The following VPS13D variants were observed in gnomAD, a reference collection of about 807,000 sequenced individuals.
VPS13D encodes vacuolar protein sorting 13 homolog D.
In VPS13D, 187 loss-of-function variants were observed where a neutral mutation model predicts 461.9. That is an observed-to-expected ratio of 0.40 (90% CI 0.36 to 0.46). VPS13D has a LOEUF of 0.46. Among genes scored for constraint, VPS13D ranks in the 20% least tolerant of loss-of-function variants. The pLI is 0.60. For synonymous variants in VPS13D, 1,951 were observed against 1,986.3 expected (o/e 0.98, Z 0.47); for missense variants, 4,711 against 5,364.9 (o/e 0.88, Z 3.81).
At chr1:12,358,390 C>T in intron 49 of VPS13D, 69 bp from the exon 50 acceptor site, 3 of 1,580,846 alleles carry the variant, frequency 1.9e-6, no homozygotes, top group Non-Finnish European at 2.6e-6. Flanking sequence ...TTAGTGTTTC[C>T]CAATTAGAAC....
chr1:12,474,858 G>A (rs968714364), intron 67 of VPS13D, among the ~76,000 whole-genome samples: 2 of 152,162 alleles, frequency 1.3e-5, no homozygotes, highest in Non-Finnish European at 2.9e-5. Context: ...ATTCATTTGC[G>A]ACTTGGGCTC....
chr1:12,332,107 A>G (rs1643347973), intron 37 of VPS13D, among the ~76,000 whole-genome samples: 1 of 152,234 alleles, frequency 6.6e-6, no homozygotes, highest in Admixed American at 6.5e-5. Flanking sequence ...TATTAGAACT[A>G]TACATTACTA....
In VPS13D at chr1:12,485,679, G is replaced by A. The variant is rs550760352; in HGVS notation, c.12663-11821G>A. On this transcript the variant is annotated intron_variant, in intron 67 of 69. Transcript: ENST00000620676. ...AAAAGGTTGTTGGGGGGGTGGGCCC[G>A]CAGGGGATCTGGGAGAAAAAATCCA... is the stretch of plus-strand genomic sequence containing the variant. Among the ~76,000 whole-genome samples, 223 of 152,188 alleles carry A rather than the reference G, an allele frequency of 1.5e-3. 2 individuals are homozygous for A. Among genetic ancestry groups the A allele is most frequent in the African/African-American group, 5.2e-3 (217 of 41,546 alleles).
rs199778145 is a variant in VPS13D, at chr1:12,506,839, G to A, written c.12795-14G>A. The A allele has an allele frequency of 7.2e-5, 116 of 1,612,326 alleles. No individual in the cohort carries two copies. In the African/African-American group the frequency reaches 1.2e-3, roughly 16 times the overall value. On this transcript the variant is annotated splice_polypyrimidine_tract_variant and intron_variant, in intron 68 of 69. Coordinates refer to ENST00000620676, the MANE Select transcript of VPS13D (RefSeq NM_015378.4). ...CCCCAGGTGTCACTCCTGTGTTCCC[G>A]TCTCGCTTTGCAGCTTCATCGCTGT...
At chr1:12,233,570 A>G (rs922931037) in intron 1 of VPS13D, among the ~76,000 whole-genome samples, 2 of 152,330 alleles carry the variant, frequency 1.3e-5, no homozygotes, top group Admixed American at 1.3e-4. Context: ...TCTAATCCCA[A>G]GGTAAATCAA....
At chr1:12,287,601 C>T (rs988773807) in intron 21 of VPS13D, among the ~76,000 whole-genome samples, 2 of 152,210 alleles carry the variant, frequency 1.3e-5, no homozygotes, top group Admixed American at 1.3e-4. Context: ...TGGGAACTGA[C>T]TCAACAAATC....
chr1:12,238,799 G>T (rs756077273), intron 2 of VPS13D, among the ~76,000 whole-genome samples: 10 of 151,836 alleles, frequency 6.6e-5, no homozygotes, highest in Non-Finnish European at 1.3e-4. Context: ...CCATACCTGG[G>T]TGATTTTTTA....
intron 26 of VPS13D, among the ~76,000 whole-genome samples, chr1:12,307,352 G>A (rs1222756392): frequency 6.6e-6 from 1 of 152,206 alleles, no homozygotes. Context: ...GCAGCAAAGA[G>A]CTTGGCATTT....
At chr1:12,278,570 C>T (rs1019247087) in intron 19 of VPS13D, among the ~76,000 whole-genome samples, 4 of 152,194 alleles carry the variant, frequency 2.6e-5, no homozygotes, top group African/African-American at 7.2e-5. Flanking sequence ...CAGCCGCGCC[C>T]AGGCAGGAAT....
chr1:12,474,248 A>G (rs1201088383), intron 67 of VPS13D, among the ~76,000 whole-genome samples: 1 of 152,230 alleles, frequency 6.6e-6, no homozygotes, highest in East Asian at 1.9e-4. Flanking sequence ...ACCGTGGCTC[A>G]TCCAGCTCTT....
intron 63 of VPS13D, among the ~76,000 whole-genome samples, chr1:12,405,109 G>A (rs908902889): frequency 2.0e-5 from 3 of 152,234 alleles, no homozygotes; most frequent in African/African-American, 2.4e-5. Flanking sequence ...GCGATGCAGC[G>A]AGTGGAGCTG....
At chr1:12,401,919 A>C (rs1644587261) in intron 62 of VPS13D, among the ~76,000 whole-genome samples, 1 of 152,186 alleles carries the variant, frequency 6.6e-6, no homozygotes, top group African/African-American at 2.4e-5. Context: ...AGCCATTCAG[A>C]GGGTCTTCTG....
chr1:12,240,719 T>TC (rs1640323886), intron 2 of VPS13D, among the ~76,000 whole-genome samples: 1 of 149,200 alleles, frequency 6.7e-6, no homozygotes, highest in South Asian at 2.1e-4. Flanking sequence ...GATTTTTTTT[T>TC]CCCCTTATGT....
At chr1:12,327,991 T>G in intron 36 of VPS13D, 137 bp downstream of exon 36, 1 of 908,920 alleles carries the variant, frequency 1.1e-6, no homozygotes, top group Non-Finnish European at 1.6e-6. Flanking sequence ...TTACATATGT[T>G]TTTCATTATG....
chr1:12,314,886 A>G (rs1173916632), intron 30 of VPS13D, among the ~76,000 whole-genome samples: 1 of 152,236 alleles, frequency 6.6e-6, no homozygotes, highest in Non-Finnish European at 1.5e-5. Flanking sequence ...TTATCTAGCT[A>G]TGTGTCCTTA....
chr1:12,452,041 C>G (rs1345845109), intron 65 of VPS13D, among the ~76,000 whole-genome samples: 1 of 152,158 alleles, frequency 6.6e-6, no homozygotes, highest in Non-Finnish European at 1.5e-5. Flanking sequence ...AGTCAAAATT[C>G]AAACTCAGGT....
chr1:12,322,731 T>G lies in VPS13D; in HGVS notation c.7900T>G (p.Leu2634Val), dbSNP rs1643073229. 3 of 1,614,074 alleles carry G rather than the reference T, an allele frequency of 1.9e-6. No homozygotes were observed. The highest frequency in any genetic ancestry group is 2.5e-6 in the Non-Finnish European group (3 of 1,179,934). The change falls in exon 34 of 70, where the codon TTA becomes GTA. Residue 2634 changes from leucine (L) to valine (V), a missense_variant. This residue lies in a region of VPS13D where 4,411 missense variants were observed against 4,937.8 expected (regional missense o/e 0.89). Transcript: ENST00000620676. ...AATCAGAGAAGGGACAAGACACACC[T>G]TAGATCCTGTCTTGGGTAGGTGTTT... Reference protein sequence around the residue: ...EEIREGTRHTLDPVLELQLAR... With the variant: ...EEIREGTRHTVDPVLELQLAR...
chr1:12,319,775 T>A, intron 32 of VPS13D, 145 bp downstream of exon 32: 1 of 1,206,372 alleles, frequency 8.3e-7, no homozygotes, highest in South Asian at 1.5e-5. Context: ...CTTTGTTTTC[T>A]CCCCAAATCT....
chr1:12,262,946 T>G (rs1334517842), intron 13 of VPS13D, among the ~76,000 whole-genome samples: 1 of 152,088 alleles, frequency 6.6e-6, no homozygotes, highest in African/African-American at 2.4e-5. Flanking sequence ...TCAAGCAATC[T>G]GTCCTCCTCG....
Sources: gnomAD v4.1 joint callset for allele counts (sites outside exome capture counted in the v4.1 genomes callset) on GRCh38, gnomAD v4.1.1 for gene constraint, gnomAD v4.1.1 regional missense constraint, MANE v1.5 for transcripts, NCBI Gene and HGNC (gene_info 2026-07-23, HGNC 2026-07-21) for gene names.